Variants in SLC71A2 observed in about 807,000 individuals in gnomAD.
SLC71A2 encodes hippocampus abundant transcript-like 1.
the SLC71A2 span, among the ~76,000 whole-genome samples, chr9:94,377,851 A>G: frequency 6.6e-6 from 1 of 152,156 alleles, no homozygotes; most frequent in Admixed American, 6.5e-5. Flanking sequence ...TCACACCTGT[A>G]ATCCCAGCAC....
the SLC71A2 span, among the ~76,000 whole-genome samples, chr9:94,429,815 TTTA>T: frequency 1.3e-5 from 2 of 152,080 alleles, no homozygotes; most frequent in East Asian, 1.9e-4. Context: ...ACATGTTGCT[TTTA>T]TTATTATTTT....
chr9:94,410,682 G>A, the SLC71A2 span, among the ~76,000 whole-genome samples: 2 of 152,044 alleles, frequency 1.3e-5, no homozygotes, highest in African/African-American at 4.8e-5. Context: ...CCTAATCATA[G>A]GAAAGAAGCT....
At chr9:94,450,507 T>TTTTTTTTTTTTTTTTTTTC in the SLC71A2 span, among the ~76,000 whole-genome samples, 160 of 137,280 alleles carry the variant, frequency 1.2e-3, 13 homozygotes, top group African/African-American at 4.5e-3. Context: ...TTTTTTTTTT[T>TTTTTTTTTTTTTTTTTTTC]GAGATGGAGT....
chr9:94,382,826 G>A, the SLC71A2 span, among the ~76,000 whole-genome samples: 13 of 151,996 alleles, frequency 8.6e-5, no homozygotes, highest in Admixed American at 2.6e-4. Context: ...ACAGGCATCC[G>A]CCACCACGCC....
chr9:94,451,468 G>A, the SLC71A2 span: 2 of 1,557,050 alleles, frequency 1.3e-6, no homozygotes, highest in African/African-American at 2.7e-5. Context: ...CATAGGTTTT[G>A]GATCTGTTAA....
the SLC71A2 span, among the ~76,000 whole-genome samples, chr9:94,421,764 C>T: frequency 2.6e-5 from 4 of 152,228 alleles, no homozygotes; most frequent in Non-Finnish European, 4.4e-5. Flanking sequence ...ATGGTGAACA[C>T]CTTTCCTTCT....
At chr9:94,402,395 A>G in the SLC71A2 span, among the ~76,000 whole-genome samples, 3 of 146,798 alleles carry the variant, frequency 2.0e-5, no homozygotes, top group Non-Finnish European at 4.5e-5. Flanking sequence ...AAAAGTATAC[A>G]GTTTGGTTTT....
the SLC71A2 span, among the ~76,000 whole-genome samples, chr9:94,442,446 G>T: frequency 6.6e-6 from 1 of 151,998 alleles, no homozygotes; most frequent in African/African-American, 2.4e-5. Flanking sequence ...TCCCTCTCAT[G>T]TCATGCCCTA....
chr9:94,409,589 T>C, the SLC71A2 span, among the ~76,000 whole-genome samples: 1 of 152,230 alleles, frequency 6.6e-6, no homozygotes, highest in African/African-American at 2.4e-5. Flanking sequence ...TTGAGATCTT[T>C]TATAACCACA....
the SLC71A2 span, among the ~76,000 whole-genome samples, chr9:94,436,747 G>GAT: frequency 1.3e-5 from 2 of 152,150 alleles, no homozygotes; most frequent in African/African-American, 4.8e-5. Flanking sequence ...GTTGGTGGCT[G>GAT]ATAGGGGATT....
the SLC71A2 span, among the ~76,000 whole-genome samples, chr9:94,447,183 C>CTTT: frequency 6.9e-6 from 1 of 145,460 alleles, no homozygotes. Flanking sequence ...CATAATTTAT[C>CTTT]TTTTTTTTTT....
the SLC71A2 span, among the ~76,000 whole-genome samples, chr9:94,418,309 A>G: frequency 6.6e-6 from 1 of 152,012 alleles, no homozygotes; most frequent in South Asian, 2.1e-4. Flanking sequence ...TTCTTTGTTC[A>G]TCTTAAATTG....
the SLC71A2 span, among the ~76,000 whole-genome samples, chr9:94,375,964 C>T: frequency 6.9e-6 from 1 of 144,104 alleles, no homozygotes; most frequent in Admixed American, 7.1e-5. Flanking sequence ...ACAGCCTTGC[C>T]CCTCAGTGCC....
At chr9:94,443,093 G>GTGC in the SLC71A2 span, among the ~76,000 whole-genome samples, 1 of 152,120 alleles carries the variant, frequency 6.6e-6, no homozygotes, top group Non-Finnish European at 1.5e-5. Flanking sequence ...CACAGCTGTT[G>GTGC]TGCTGAGCAG....
chr9:94,403,489 T>G, the SLC71A2 span, among the ~76,000 whole-genome samples: 1 of 151,046 alleles, frequency 6.6e-6, no homozygotes, highest in Non-Finnish European at 1.5e-5. Flanking sequence ...ATCCATGTTG[T>G]GACAGTCAGT....
the SLC71A2 span, among the ~76,000 whole-genome samples, chr9:94,450,649 C>T: frequency 6.6e-6 from 1 of 151,742 alleles, no homozygotes; most frequent in Admixed American, 6.6e-5. Flanking sequence ...GCCACCACGT[C>T]CAGCTAATTT....
chr9:94,377,808 A>G, the SLC71A2 span, among the ~76,000 whole-genome samples: 22 of 152,192 alleles, frequency 1.4e-4, no homozygotes, highest in East Asian at 2.9e-3. Flanking sequence ...ATTTCCTTCT[A>G]GAAAAGGGAG....
the SLC71A2 span, among the ~76,000 whole-genome samples, chr9:94,396,157 A>G: frequency 2.0e-5 from 3 of 151,212 alleles, no homozygotes; most frequent in South Asian, 2.1e-4. Flanking sequence ...AAATTATATG[A>G]GTATATTTGT....
At chr9:94,375,135 G>C in the SLC71A2 span, among the ~76,000 whole-genome samples, 1 of 151,936 alleles carries the variant, frequency 6.6e-6, no homozygotes, top group African/African-American at 2.4e-5. Context: ...TTTGGTTATT[G>C]TTTCAAAAGG....
Sources: allele counts gnomAD v4.1 joint callset (sites outside exome capture counted in the v4.1 genomes callset), GRCh38; gene constraint gnomAD v4.1.1; transcripts MANE v1.5; gene names NCBI Gene and HGNC (gene_info 2026-07-23, HGNC 2026-07-21).